FAM20B: variants seen among roughly 807,000 people sequenced by gnomAD.
FAM20B encodes the protein FAM20B glycosaminoglycan xylosylkinase, also known as glycosaminoglycan xylosylkinase.
In FAM20B, 23 loss-of-function variants were observed where a neutral mutation model predicts 43.8. The ratio of observed to expected loss-of-function variants is 0.53; its 90% CI spans 0.38 to 0.74. The LOEUF (loss-of-function observed/expected upper bound fraction) is 0.74. FAM20B is among the 30% of genes least tolerant of loss of function. The pLI, the probability that FAM20B is intolerant of heterozygous loss-of-function variation, is 0.00. For missense variants in FAM20B, 440 were observed against 510.5 expected (o/e 0.86, Z 1.33); for synonymous variants, 178 against 192.4 (o/e 0.93, Z 0.62).
chr1:179,028,699 C>G (rs753055052), intron 1 of FAM20B, among the ~76,000 whole-genome samples: 5 of 152,190 alleles, frequency 3.3e-5, no homozygotes, highest in Non-Finnish European at 5.9e-5. Flanking sequence ...AACACAGTTA[C>G]AATGAGGCCC....
intron 3 of FAM20B, among the ~76,000 whole-genome samples, chr1:179,053,923 TA>T (rs1651110646): frequency 1.3e-5 from 2 of 152,246 alleles, no homozygotes; most frequent in Admixed American, 6.5e-5. Context: ...TTCTTCATTG[TA>T]AATTTTCTGT....
chr1:179,072,376 C>T lies in FAM20B; in HGVS notation c.*232C>T, dbSNP rs978502345. The stretch of plus-strand genomic sequence containing the variant: ...CGCCTTCTCACCTCCTCGGCAATTG[C>T]TCATTCTAGGGTTGGGCATCATAGT... On this transcript the variant is annotated 3_prime_UTR_variant, in exon 8 of 8. Coordinates refer to ENST00000263733, the MANE Select transcript of FAM20B (RefSeq NM_014864.4). 9 of 534,068 alleles carry T rather than the reference C, an allele frequency of 1.7e-5. No individual in the cohort carries two copies. The African/African-American group carries it at 1.7e-4, about 10-fold the overall frequency. The allele number at this position is 534,068 out of a possible 1,614,324, so 33.1% of individuals were successfully genotyped here.
intron 1 of FAM20B, among the ~76,000 whole-genome samples, chr1:179,043,385 T>G (rs949864524): frequency 3.9e-5 from 6 of 152,172 alleles, no homozygotes; most frequent in African/African-American, 1.4e-4. Context: ...TGGCTGCAGC[T>G]GTACCCAGGA....
intron 1 of FAM20B, among the ~76,000 whole-genome samples, chr1:179,033,781 C>T (rs1417890411): frequency 6.6e-6 from 1 of 152,152 alleles, no homozygotes; most frequent in Non-Finnish European, 1.5e-5. Context: ...CAACCTCCGC[C>T]TCCTGGGTTC....
intron 1 of FAM20B, among the ~76,000 whole-genome samples, chr1:179,040,645 G>A (rs1165433180): frequency 7.2e-6 from 1 of 139,062 alleles, no homozygotes. Context: ...CCCGGACGGG[G>A]CGGCTGGCCG....
Position 179,054,622 on chromosome 1 carries a change from C to G in FAM20B, c.558C>G (p.Ser186Arg). 6.2e-7 allele frequency: 1 copy of G among 1,606,356 alleles called. No homozygotes were observed. Among genetic ancestry groups the G allele is most frequent in the Non-Finnish European group, 8.5e-7 (1 of 1,173,530 alleles). The change falls in exon 4 of 8, where the codon AGC becomes AGG. Residue 186 changes from serine (S) to arginine (R), a missense_variant. Physicochemically the swap from Ser to Arg is moderately radical, Grantham distance 110. Transcript: ENST00000263733. ...CTGTCGCCACAGAGCAGCTGTTGAG[C>G]ACCTTCCTAACTGTAGGTAAGAAGA... ...IKPVATEQLL[S>R]TFLTVGNNTC... is the part of the protein sequence containing the mutation.
In FAM20B at chr1:179,064,389, C is replaced by CA; in HGVS notation, c.832dup (p.Thr278AsnfsTer5). The CA allele has an allele frequency of 6.2e-7, 1 of 1,614,132 alleles. No individual in the cohort carries two copies. Among genetic ancestry groups the CA allele is most frequent in the Middle Eastern group, 1.6e-4 (1 of 6,062 alleles). ...GCCCGCGCCTCTTGGACATCATTGA[C>CA]ACAGCTGTCTTTGATTACCTGATTG... On this transcript the variant is annotated frameshift_variant, in exon 6 of 8. Transcript: ENST00000263733. LOFTEE classifies it high-confidence loss of function.
rs574739267 is a variant in FAM20B, at chr1:179,044,044, T to C, written c.197T>C (p.Ile66Thr). 19 of 1,613,926 alleles carry C rather than the reference T, an allele frequency of 1.2e-5. No homozygotes were observed. The highest frequency in any genetic ancestry group is 1.7e-5 in the Admixed American group (1 of 60,012). Residue 66 changes from isoleucine (I) to threonine (T), a missense_variant, in exon 2 of 8, where the codon ATT (isoleucine) becomes ACT (threonine). Ile to Thr is a moderately conservative substitution (Grantham distance 89). Transcript: ENST00000263733. ...CATACCTTGCAGTCTCCCTGGGAGA[T>C]TGCAGCCCAGTGGGTGGTTCCCCGG... ...LDHTLQSPWE[I>T]AAQWVVPREV...
chr1:179,039,582 G>A (rs1286225218), intron 1 of FAM20B, among the ~76,000 whole-genome samples: 1 of 151,966 alleles, frequency 6.6e-6, no homozygotes, highest in Non-Finnish European at 1.5e-5. Flanking sequence ...TTTTAATTTT[G>A]AAAAATAATT....
rs1652110893 is a variant in FAM20B at position 179,075,919 on chromosome 1, T to G, written c.*3775T>G. The G allele has an allele frequency of 6.6e-6, 1 of 152,198 alleles. No homozygotes were observed. The highest frequency in any genetic ancestry group is 2.4e-5 in the African/African-American group (1 of 41,438). 9.4% of individuals were successfully genotyped at this position (152,198 alleles called of 1,614,324 possible). A position where few individuals can be genotyped will look rare whatever the true frequency, so the allele number is the denominator to read the frequency against. On this transcript the variant is annotated 3_prime_UTR_variant, in exon 8 of 8. Transcript: ENST00000263733. ...AGCATCATCAGTAAGCTATCTTATA[T>G]GCCTCATCCTGTGAGTTTGAGCTTC...
intron 3 of FAM20B, among the ~76,000 whole-genome samples, chr1:179,051,569 G>T (rs1250029340): frequency 6.6e-6 from 1 of 152,160 alleles, no homozygotes; most frequent in Non-Finnish European, 1.5e-5. Flanking sequence ...CGAGGCTGCA[G>T]TGAGCTGTGA....
chr1:179,024,041 G>A (rs1472596209), upstream of FAM20B, among the ~76,000 whole-genome samples: 1 of 152,196 alleles, frequency 6.6e-6, no homozygotes, highest in Non-Finnish European at 1.5e-5. Context: ...ATGCAACATG[G>A]AGAAGGGAAA....
the FAM20B span, among the ~76,000 whole-genome samples, chr1:179,017,901 C>T: frequency 2.0e-5 from 3 of 152,280 alleles, no homozygotes; most frequent in South Asian, 6.2e-4. Flanking sequence ...TTTCATATAT[C>T]AGAGCCAAAA....
At chr1:179,054,782 T>C (rs1045086276) in intron 4 of FAM20B, 144 bp downstream of exon 4, 1 of 493,382 alleles carries the variant, frequency 2.0e-6, no homozygotes, top group African/African-American at 1.9e-5. Context: ...GCTCTCAGGT[T>C]ATTTGGGAAA....
chr1:179,063,509 G>A (rs1223335028), intron 4 of FAM20B, among the ~76,000 whole-genome samples: 24 of 151,728 alleles, frequency 1.6e-4, no homozygotes, highest in Non-Finnish European at 3.4e-4. Flanking sequence ...GATGGCTTGA[G>A]CCCCAGAGGC....
chr1:179,068,505 G>A (rs1412341684), intron 7 of FAM20B, among the ~76,000 whole-genome samples: 2 of 151,704 alleles, frequency 1.3e-5, no homozygotes, highest in African/African-American at 4.8e-5. Flanking sequence ...GCGCGATCTC[G>A]GCTCACTGCA....
chr1:179,037,348 T>C (rs1334662750), intron 1 of FAM20B, among the ~76,000 whole-genome samples: 1 of 96,976 alleles, frequency 1.0e-5, no homozygotes, highest in Non-Finnish European at 1.9e-5. Flanking sequence ...CATGAAAACT[T>C]GTTTAGTCTC....
At chr1:179,058,189 A>G (rs1404131882) in intron 4 of FAM20B, among the ~76,000 whole-genome samples, 2 of 152,240 alleles carry the variant, frequency 1.3e-5, no homozygotes, top group Non-Finnish European at 2.9e-5. Flanking sequence ...AAGATCTATC[A>G]GATTAGTCAC....
intron 7 of FAM20B, 39 bp from the exon 8 acceptor site, chr1:179,071,874 G>T: frequency 2.1e-6 from 3 of 1,396,464 alleles, no homozygotes; most frequent in East Asian, 4.6e-5. Flanking sequence ...TTGATAATGA[G>T]AAGTTTTATG....
Sources: allele counts gnomAD v4.1 joint callset (sites outside exome capture counted in the v4.1 genomes callset), GRCh38; gene constraint gnomAD v4.1.1; transcripts MANE v1.5; gene names NCBI Gene and HGNC (gene_info 2026-07-23, HGNC 2026-07-21).